GSE1: variants seen among roughly 807,000 people sequenced by gnomAD.
The protein encoded by GSE1 is genetic suppressor element 1.
Under a neutral mutation model 112.6 loss-of-function variants are expected in GSE1, and 32 were observed. The ratio of observed to expected loss-of-function variants is 0.28; its 90% confidence interval spans 0.21 to 0.38. The LOEUF is 0.38. Ranked by LOEUF, GSE1 falls within the 10% of genes least tolerant of loss-of-function variation. The pLI is 1.00. For missense variants in GSE1, 2,348 were observed against 1,699.2 expected, an observed-to-expected ratio of 1.38 and a Z score of -6.71; for synonymous variants, 1,115 against 735.6, an observed-to-expected ratio of 1.52 and a Z score of -8.35.
intron 2 of GSE1, among the ~76,000 whole-genome samples, chr16:85,531,973 G>C (rs1004521388): frequency 6.6e-5 from 10 of 152,174 alleles, no homozygotes; most frequent in African/African-American, 2.4e-4. Context: ...GCGCGAGTAG[G>C]GGGGCAGGCA....
intron 1 of GSE1, among the ~76,000 whole-genome samples, chr16:85,280,883 G>A (rs2151422809): frequency 6.6e-6 from 1 of 152,284 alleles, no homozygotes; most frequent in East Asian, 1.9e-4. Context: ...GAGAACATCG[G>A]CGGTGACAAG....
At chr16:85,640,045 C>A (rs1395926644) in intron 2 of GSE1, among the ~76,000 whole-genome samples, 1 of 152,214 alleles carries the variant, frequency 6.6e-6, no homozygotes, top group Admixed American at 6.5e-5. Flanking sequence ...GCTCCAGAGC[C>A]TTCCCAGGTG....
intron 2 of GSE1, among the ~76,000 whole-genome samples, chr16:85,435,091 A>T (rs1597745268): frequency 6.6e-6 from 1 of 152,042 alleles, no homozygotes; most frequent in Admixed American, 6.5e-5. Flanking sequence ...CCCCATTTTC[A>T]TTTTGCACTG....
intron 2 of GSE1, among the ~76,000 whole-genome samples, chr16:85,493,790 CAAAAA>C (rs61555687): frequency 2.4e-5 from 2 of 84,424 alleles, no homozygotes; most frequent in Non-Finnish European, 4.6e-5. Flanking sequence ...GACTCCGTCT[CAAAAA>C]AAAAAAAAAA....
intron 1 of GSE1, among the ~76,000 whole-genome samples, chr16:85,342,864 C>A (rs1316100820): frequency 2.0e-5 from 3 of 151,184 alleles, no homozygotes; most frequent in African/African-American, 4.8e-5. Context: ...GCGGCACCCC[C>A]TCTCCATGCA....
intron 2 of GSE1, among the ~76,000 whole-genome samples, chr16:85,423,143 CT>C (rs937965662): frequency 1.3e-5 from 2 of 152,270 alleles, no homozygotes; most frequent in African/African-American, 4.8e-5. Context: ...TGCCCCACCC[CT>C]GATGAGCGAA....
intron 1 of GSE1, among the ~76,000 whole-genome samples, chr16:85,247,630 G>A (rs749504154): frequency 2.0e-5 from 3 of 152,254 alleles, no homozygotes; most frequent in East Asian, 1.9e-4. Flanking sequence ...GGACCTGCCT[G>A]TCCTGGGGTT....
intron 2 of GSE1, among the ~76,000 whole-genome samples, chr16:85,500,431 G>A (rs555797438): frequency 1.0e-3 from 158 of 152,334 alleles, no homozygotes; most frequent in African/African-American, 3.7e-3. Flanking sequence ...CACTTCAAAA[G>A]CAGCTCCCCA....
In GSE1 at chr16:85,339,946, G is replaced by A. The variant is rs529675766; in HGVS notation, c.2284-17517G>A. On this transcript the variant is annotated intron_variant, in intron 1 of 2. Coordinates refer to the GSE1 transcript ENST00000637419. ...CCAAGAACGGTGCTTGGCCCAGGGCGGGGGCCAGATAAATAATTTAAAATT... is the reference window on the plus strand; with the variant it reads ...CCAAGAACGGTGCTTGGCCCAGGGCAGGGGCCAGATAAATAATTTAAAATT... Among the ~76,000 whole-genome samples, 15 of 152,260 alleles carry A rather than the reference G, an allele frequency of 9.9e-5. No homozygotes were observed. The East Asian group carries it at 1.9e-3, about 20-fold the overall frequency.
At chr16:85,358,606 C>T (rs771544985) in intron 2 of GSE1, among the ~76,000 whole-genome samples, 9 of 152,220 alleles carry the variant, frequency 5.9e-5, no homozygotes, top group South Asian at 2.1e-4. Flanking sequence ...GCCCATCCCC[C>T]AAGCCCTGGA....
chr16:85,416,898 C>CA (rs2048715122), intron 2 of GSE1, among the ~76,000 whole-genome samples: 2 of 152,204 alleles, frequency 1.3e-5, no homozygotes. Flanking sequence ...CTCTGTCCCC[C>CA]AGGCCGGGGT....
intron 2 of GSE1, among the ~76,000 whole-genome samples, chr16:85,478,810 A>G (rs1468172420): frequency 6.8e-6 from 1 of 147,090 alleles, no homozygotes; most frequent in Non-Finnish European, 1.5e-5. Flanking sequence ...TGGAATTACA[A>G]CCATGCACCA....
chr16:85,197,926 A>T (rs2074959038), intron 1 of GSE1, among the ~76,000 whole-genome samples: 1 of 152,084 alleles, frequency 6.6e-6, no homozygotes, highest in Non-Finnish European at 1.5e-5. Context: ...TTTTCTTTCC[A>T]TCTTGGATGT....
chr16:85,187,437 GAGAAGGAGTTA>G (rs751053039), intron 1 of GSE1, among the ~76,000 whole-genome samples: 14 of 152,364 alleles, frequency 9.2e-5, no homozygotes, highest in Admixed American at 2.0e-4. Context: ...GGGGAAGAGA[GAGAAGGAGTTA>G]AAAACTTGCT....
At chr16:85,477,973 A>AGTTTT (rs1460805078) in intron 2 of GSE1, among the ~76,000 whole-genome samples, 1 of 151,996 alleles carries the variant, frequency 6.6e-6, no homozygotes, top group African/African-American at 2.4e-5. Context: ...TCATTTCAGA[A>AGTTTT]CGTTCCCGTC....
chr16:85,483,778 C>T (rs1379072938), intron 2 of GSE1, among the ~76,000 whole-genome samples: 2 of 152,238 alleles, frequency 1.3e-5, no homozygotes, highest in South Asian at 2.1e-4. Flanking sequence ...CGGGATGCTG[C>T]GAATGCAAGG....
rs189043952 is a variant in GSE1 at position 85,193,804 on chromosome 16, C to T, written c.2283+21997C>T. On this transcript the variant is annotated intron_variant, in intron 1 of 2. Coordinates refer to the GSE1 transcript ENST00000637419. ...TCTGAGATAATTGTAGATTGACCTGCAGTTGTGAGAAATAATGAAGAGCCA... is the reference window on the plus strand; with the variant it reads ...TCTGAGATAATTGTAGATTGACCTGTAGTTGTGAGAAATAATGAAGAGCCA... Among the ~76,000 whole-genome samples the T allele has an allele frequency of 9.0e-4, 137 of 152,264 alleles. No individual in the cohort carries two copies. In the Middle Eastern group the frequency reaches 0.014, roughly 15 times the overall value.
chr16:85,279,193 G>T (rs1344090571), intron 1 of GSE1, among the ~76,000 whole-genome samples: 2 of 152,236 alleles, frequency 1.3e-5, no homozygotes, highest in Non-Finnish European at 2.9e-5. Flanking sequence ...GGGGAGGGGG[G>T]AGGAGGATGC....
At chr16:85,367,105 C>T (rs1297780795) in intron 2 of GSE1, among the ~76,000 whole-genome samples, 1 of 152,220 alleles carries the variant, frequency 6.6e-6, no homozygotes, top group Non-Finnish European at 1.5e-5. Context: ...CTGACCGGTC[C>T]AAGCTGATAA....
Sources: gnomAD v4.1 joint callset for allele counts (sites outside exome capture counted in the v4.1 genomes callset) on GRCh38, gnomAD v4.1.1 for gene constraint, MANE v1.5 for transcripts, NCBI Gene and HGNC (gene_info 2026-07-23, HGNC 2026-07-21) for gene names.